FLNB: variants seen among roughly 807,000 people sequenced by gnomAD.
FLNB encodes filamin B.
In FLNB, 111 loss-of-function variants were observed where a neutral mutation model predicts 250.6. The ratio of observed to expected loss-of-function variants is 0.44; its 90% confidence interval spans 0.38 to 0.52. FLNB has a LOEUF of 0.52. FLNB is among the 20% of genes least tolerant of loss of function. The pLI, the probability that FLNB is intolerant of heterozygous loss-of-function variation, is 0.00. For missense variants in FLNB, 2,869 were observed against 3,447.8 expected, an observed-to-expected ratio of 0.83 and a Z score of 4.20; for synonymous variants, 1,302 against 1,372.1, an observed-to-expected ratio of 0.95 and a Z score of 1.13.
rs1478610174 is a variant in FLNB at position 58,134,893 on chromosome 3, T to A, written c.4671+121T>A. 2.2e-5 allele frequency: 21 copies of A among 958,318 alleles called. No homozygotes were observed. The East Asian group carries it at 5.1e-4, about 23-fold the overall frequency. The allele number at this position is 958,318 out of a possible 1,614,324, so 59.4% of individuals were successfully genotyped here. A position where few individuals can be genotyped will look rare whatever the true frequency, so the allele number is the denominator to read the frequency against. On this transcript the variant is annotated intron_variant, in intron 27 of 45. Transcript: ENST00000295956. ...TCAATGCAAGTTGTTTGTTAGATTTTCCCACCAAAGAGTCAGTAAATGTGC... is the reference window on the plus strand; with the variant it reads ...TCAATGCAAGTTGTTTGTTAGATTTACCCACCAAAGAGTCAGTAAATGTGC...
At chr3:58,124,680 G>A (rs2097294731) in intron 22 of FLNB, among the ~76,000 whole-genome samples, 175 bp downstream of exon 22, 1 of 152,232 alleles carries the variant, frequency 6.6e-6, no homozygotes, top group Admixed American at 6.5e-5. Flanking sequence ...CTCAGTGCCT[G>A]GCTTGCTGGC....
intron 24 of FLNB, among the ~76,000 whole-genome samples, chr3:58,128,936 C>G (rs1209324190): frequency 6.6e-6 from 1 of 152,170 alleles, no homozygotes; most frequent in Non-Finnish European, 1.5e-5. Flanking sequence ...CCGGCTTTTC[C>G]AGAACCCCAG....
At chr3:58,130,531 C>T (rs933476829) in intron 24 of FLNB, among the ~76,000 whole-genome samples, 2 of 152,150 alleles carry the variant, frequency 1.3e-5, no homozygotes, top group South Asian at 4.1e-4. Context: ...GGATCCAGCA[C>T]GTGGCACAAC....
chr3:58,168,111 G>C (rs909239113), intron 43 of FLNB, among the ~76,000 whole-genome samples: 4 of 152,242 alleles, frequency 2.6e-5, no homozygotes, highest in Admixed American at 2.6e-4. Context: ...GGCTGAAGCA[G>C]CACTTCAGGC....
chr3:58,102,968 G>GAACAGAGAAGC (rs2097253489), intron 9 of FLNB, among the ~76,000 whole-genome samples: 1 of 152,062 alleles, frequency 6.6e-6, no homozygotes, highest in Non-Finnish European at 1.5e-5. Context: ...TTTTTCGTTG[G>GAACAGAGAAGC]AACAGAGAAG....
At chr3:58,010,816 T>G (rs2097097476) in intron 1 of FLNB, among the ~76,000 whole-genome samples, 1 of 152,170 alleles carries the variant, frequency 6.6e-6, no homozygotes, top group South Asian at 2.1e-4. Flanking sequence ...CAGCAGCTAC[T>G]TCCAGCACTG....
intron 10 of FLNB, among the ~76,000 whole-genome samples, chr3:58,104,638 C>G (rs1166333616): frequency 1.3e-5 from 2 of 152,158 alleles, no homozygotes; most frequent in Non-Finnish European, 1.5e-5. Context: ...TTCCGAATAC[C>G]TACCACGCTT....
chr3:58,145,805 C>G (rs921444623), intron 32 of FLNB, 116 bp from the exon 33 acceptor site: 1 of 1,284,454 alleles, frequency 7.8e-7, no homozygotes, highest in Non-Finnish European at 1.1e-6. Flanking sequence ...CTCTTCATGC[C>G]TCTGCTTAGG....
At position 58,132,910 on chromosome 3, in the gene FLNB, C is replaced by A; in HGVS notation, c.4493C>A (p.Ala1498Asp). The change falls in exon 26 of 46, where the codon GCT becomes GAT. Residue 1498 changes from alanine (A) to aspartate (D), a missense_variant. Coordinates refer to ENST00000295956, the MANE Select transcript of FLNB (RefSeq NM_001457.4). ...EGPYMVSVKY[A>D]DEEIPRSPFK... ...CCTTACATGGTCTCAGTTAAATATGCTGATGAAGAGATTCCTCGCAGGTAA... is the reference window on the plus strand; with the variant it reads ...CCTTACATGGTCTCAGTTAAATATGATGATGAAGAGATTCCTCGCAGGTAA... 1 of 1,613,892 alleles carries A rather than the reference C, an allele frequency of 6.2e-7. No individual in the cohort carries two copies.
At chr3:58,030,507 A>G (rs2097129380) in intron 1 of FLNB, among the ~76,000 whole-genome samples, 3 of 152,172 alleles carry the variant, frequency 2.0e-5, no homozygotes, top group Non-Finnish European at 4.4e-5. Flanking sequence ...TCCCAGAGCC[A>G]GGGATGGATG....
intron 1 of FLNB, among the ~76,000 whole-genome samples, chr3:58,054,604 A>T (rs1405130883): frequency 8.5e-5 from 13 of 152,154 alleles, no homozygotes; most frequent in Admixed American, 8.5e-4. Flanking sequence ...GAGGGGGAAA[A>T]GCCCCTTATA....
chr3:58,042,727 C>T (rs2097147791), intron 1 of FLNB, among the ~76,000 whole-genome samples: 1 of 152,070 alleles, frequency 6.6e-6, no homozygotes, highest in Non-Finnish European at 1.5e-5. Flanking sequence ...CCATGTTGCC[C>T]AGGCTGGTCT....
Position 58,123,214 on chromosome 3 carries a change from C to T in FLNB, c.3248C>T (p.Ala1083Val). The T allele has an allele frequency of 6.2e-7, 1 of 1,613,996 alleles. No individual in the cohort carries two copies. The highest frequency in any genetic ancestry group is 8.5e-7 in the Non-Finnish European group (1 of 1,179,926). Residue 1083 changes from alanine to valine, a missense_variant, in exon 21 of 46, where the codon GCC becomes GTC. By Grantham distance (64) the Ala-to-Val change is moderately conservative. Around this residue, in one of 5 missense-constraint regions of FLNB, gnomAD observed 1,348 missense variants for 1,466.7 expected, o/e 0.92. Coordinates refer to ENST00000295956, the MANE Select transcript of FLNB (RefSeq NM_001457.4). ...TTAACGGTGGAAGGTCCGTGCGAGG[C>T]CAAAATCGAGTGCTCCGACAATGGT... Reference protein sequence around the residue: ...LGLTVEGPCEAKIECSDNGDG... With the variant: ...LGLTVEGPCEVKIECSDNGDG...
intron 32 of FLNB, 97 bp downstream of exon 32, chr3:58,143,710 G>T: frequency 6.7e-7 from 1 of 1,482,978 alleles, no homozygotes; most frequent in South Asian, 1.2e-5. Flanking sequence ...AGCAGCTCTC[G>T]GCAGCAGGCT....
intron 24 of FLNB, among the ~76,000 whole-genome samples, 173 bp downstream of exon 24, chr3:58,126,935 G>A (rs1324032278): frequency 1.3e-5 from 2 of 152,110 alleles, no homozygotes; most frequent in East Asian, 1.9e-4. Context: ...CAGTAGAACC[G>A]GTAACATGGC....
At chr3:58,011,809 T>G (rs2097099324) in intron 1 of FLNB, among the ~76,000 whole-genome samples, 1 of 152,366 alleles carries the variant, frequency 6.6e-6, no homozygotes, top group African/African-American at 2.4e-5. Flanking sequence ...AATGATCTGC[T>G]TCTGCAAGTC....
At chr3:58,017,384 G>A (rs1222376222) in intron 1 of FLNB, among the ~76,000 whole-genome samples, 1 of 152,192 alleles carries the variant, frequency 6.6e-6, no homozygotes, top group Admixed American at 6.5e-5. Context: ...CCAAGTAGCT[G>A]GGATTACAGG....
At position 58,110,121 on chromosome 3, in the gene FLNB, T is replaced by C; in HGVS notation, c.2435T>C (p.Val812Ala). ...AATGATACGTTCACAGTCAAATATG[T>C]GCCTCCTGCTGCTGGGCGATACACT... The part of the protein sequence containing the change: ...NANDTFTVKY[V>A]PPAAGRYTIK... The change falls in exon 16 of 46, where the codon GTG (valine) becomes GCG (alanine). Residue 812 changes from valine (V) to alanine (A), a missense_variant. Val to Ala is a moderately conservative substitution (Grantham distance 64). Coordinates refer to ENST00000295956, the MANE Select transcript of FLNB (RefSeq NM_001457.4). 6.2e-7 allele frequency: 1 copy of C among 1,614,210 alleles called. No individual in the cohort carries two copies. Among genetic ancestry groups the C allele is most frequent in the Non-Finnish European group, 8.5e-7 (1 of 1,180,036 alleles).
intron 4 of FLNB, among the ~76,000 whole-genome samples, chr3:58,084,617 A>C (rs1038116557): frequency 1.3e-5 from 2 of 152,066 alleles, no homozygotes; most frequent in African/African-American, 4.8e-5. Context: ...GAAAATATCC[A>C]TAACATAAAA....
Sources: gnomAD v4.1 joint callset for allele counts (sites outside exome capture counted in the v4.1 genomes callset) on GRCh38, gnomAD v4.1.1 for gene constraint, gnomAD v4.1.1 regional missense constraint, MANE v1.5 for transcripts, NCBI Gene and HGNC (gene_info 2026-07-23, HGNC 2026-07-21) for gene names.